Variants in GRID2 observed in about 807,000 individuals in gnomAD.
GRID2 encodes glutamate ionotropic receptor delta type subunit 2.
A neutral mutation model predicts 114.8 loss-of-function variants in GRID2; 33 were observed. The ratio of observed to expected loss-of-function variants is 0.29; its 90% CI spans 0.22 to 0.38. The LOEUF is 0.38. Among genes scored for constraint, GRID2 ranks in the 10% least tolerant of loss-of-function variants. GRID2 has a pLI of 1.00. For synonymous variants in GRID2, 505 were observed against 449.9 expected (o/e 1.12, Z -1.55); for missense variants, 1,184 against 1,257.7 (o/e 0.94, Z 0.89).
chr4:92,447,250 C>G lies in GRID2; in HGVS notation c.88+142506C>G, dbSNP rs187808240. On this transcript the variant is annotated intron_variant, in intron 1 of 15. Coordinates refer to ENST00000282020, the MANE Select transcript of GRID2 (RefSeq NM_001510.4). ...TTTGCTTTGTTTATATGGTTTCCTT[C>G]TATAAGTGAAAAAAACTAGTCCAAT... 3.6e-3 allele frequency among the ~76,000 whole-genome samples: 542 copies of G among 152,146 alleles called. 3 individuals are homozygous for G. Among genetic ancestry groups the G allele is most frequent in the Non-Finnish European group, 6.1e-3 (415 of 67,988 alleles).
At chr4:93,594,778 G>A (rs1024375558) in intron 13 of GRID2, among the ~76,000 whole-genome samples, 4 of 151,310 alleles carry the variant, frequency 2.6e-5, no homozygotes, top group African/African-American at 4.9e-5. Context: ...TAAGCCCGTC[G>A]GAAAAGCGCA....
intron 8 of GRID2, among the ~76,000 whole-genome samples, chr4:93,390,727 T>C (rs1764771083): frequency 6.6e-6 from 1 of 152,184 alleles, no homozygotes; most frequent in Admixed American, 6.6e-5. Context: ...TGCTAGTTGA[T>C]AATAGAGTGA....
intron 8 of GRID2, among the ~76,000 whole-genome samples, chr4:93,367,730 G>T (rs1762476264): frequency 6.6e-6 from 1 of 152,106 alleles, no homozygotes; most frequent in Non-Finnish European, 1.5e-5. Context: ...ATTTGAGTTG[G>T]CTTGAAAAAC....
chr4:93,580,505 C>A (rs1736868003), intron 13 of GRID2, among the ~76,000 whole-genome samples: 1 of 152,148 alleles, frequency 6.6e-6, no homozygotes, highest in African/African-American at 2.4e-5. Flanking sequence ...ATAAAACTTA[C>A]AAGATAGCTA....
At chr4:92,894,443 G>A (rs1361203458) in intron 2 of GRID2, among the ~76,000 whole-genome samples, 1 of 152,076 alleles carries the variant, frequency 6.6e-6, no homozygotes, top group Non-Finnish European at 1.5e-5. Flanking sequence ...TTATAAGACA[G>A]GGGTTTTACA....
intron 4 of GRID2, among the ~76,000 whole-genome samples, chr4:93,111,726 A>C (rs1355081128): frequency 6.7e-6 from 1 of 148,404 alleles, no homozygotes; most frequent in Admixed American, 6.8e-5. Context: ...TTTAAATTTG[A>C]GGACGGGAAT....
At chr4:93,088,649 T>C (rs1730529062) in intron 3 of GRID2, among the ~76,000 whole-genome samples, 1 of 152,132 alleles carries the variant, frequency 6.6e-6, no homozygotes, top group Non-Finnish European at 1.5e-5. Flanking sequence ...ATAGACAGTG[T>C]GATCAAATAT....
At chr4:92,831,976 G>C (rs1000432840) in intron 2 of GRID2, among the ~76,000 whole-genome samples, 4 of 152,012 alleles carry the variant, frequency 2.6e-5, no homozygotes, top group African/African-American at 9.7e-5. Context: ...ATGATACAGT[G>C]CATAAAAGAC....
exon 2 of GRID2, chr4:93,807,875 T>C (rs1041381862): frequency 6.6e-6 from 1 of 152,218 alleles, no homozygotes; most frequent in East Asian, 1.9e-4. Flanking sequence ...CTAAGAAGTT[T>C]GCATTCCAGT....
At chr4:92,643,692 TG>T (rs1731473793) in intron 2 of GRID2, among the ~76,000 whole-genome samples, 1 of 151,760 alleles carries the variant, frequency 6.6e-6, no homozygotes, top group Non-Finnish European at 1.5e-5. Flanking sequence ...CTCAAACCCC[TG>T]GCCTGAAGTG....
chr4:93,347,381 T>A (rs1453284142), intron 8 of GRID2, among the ~76,000 whole-genome samples: 1 of 152,104 alleles, frequency 6.6e-6, no homozygotes, highest in African/African-American at 2.4e-5. Flanking sequence ...AAACATAATT[T>A]TATTACACCT....
chr4:92,517,298 C>T (rs1724546769), intron 1 of GRID2, among the ~76,000 whole-genome samples: 1 of 151,802 alleles, frequency 6.6e-6, no homozygotes, highest in Non-Finnish European at 1.5e-5. Flanking sequence ...GTCATTTGTT[C>T]ATTTGCTTTA....
chr4:93,737,513 C>T (rs1460275689), intron 14 of GRID2, among the ~76,000 whole-genome samples: 1 of 151,956 alleles, frequency 6.6e-6, no homozygotes, highest in Non-Finnish European at 1.5e-5. Context: ...TCACTTGAGG[C>T]AAGGAGTTCC....
At chr4:92,891,036 T>G (rs115008061) in intron 2 of GRID2, among the ~76,000 whole-genome samples, 289 of 152,184 alleles carry the variant, frequency 1.9e-3, no homozygotes, top group African/African-American at 5.5e-3. Context: ...TTCCTCATGT[T>G]CTCACTCATA....
exon 2 of GRID2, chr4:93,807,840 T>G (rs948240736): frequency 6.6e-6 from 1 of 152,192 alleles, no homozygotes; most frequent in African/African-American, 2.4e-5. Context: ...GGGAATACAA[T>G]GATGAATGAG....
intron 2 of GRID2, among the ~76,000 whole-genome samples, chr4:93,083,763 C>A (rs1730092681): frequency 6.7e-6 from 1 of 150,178 alleles, no homozygotes; most frequent in African/African-American, 2.4e-5. Context: ...AGTATAATCT[C>A]TTTCATGAGG....
intron 3 of GRID2, among the ~76,000 whole-genome samples, chr4:93,096,325 A>C (rs958452367): frequency 6.6e-6 from 1 of 152,074 alleles, no homozygotes; most frequent in Admixed American, 6.6e-5. Context: ...TTTCTTAGGT[A>C]CCAAAAAGAA....
intron 1 of GRID2, among the ~76,000 whole-genome samples, chr4:92,322,603 T>G (rs1183456742): frequency 6.6e-6 from 1 of 152,006 alleles, no homozygotes; most frequent in Non-Finnish European, 1.5e-5. Context: ...AAAGACACAT[T>G]TGGACTGATT....
At chr4:92,633,365 G>A (rs1476030076) in intron 2 of GRID2, among the ~76,000 whole-genome samples, 3 of 152,074 alleles carry the variant, frequency 2.0e-5, no homozygotes, top group Admixed American at 6.6e-5. Flanking sequence ...CTCTAAAAGA[G>A]CAAATGGTGC....
Sources: allele counts gnomAD v4.1 joint callset (sites outside exome capture counted in the v4.1 genomes callset), GRCh38; gene constraint gnomAD v4.1.1; transcripts MANE v1.5; gene names NCBI Gene and HGNC (gene_info 2026-07-23, HGNC 2026-07-21).